ANO1: variants seen among roughly 807,000 people sequenced by gnomAD.
ANO1 encodes anoctamin-1.
Under a neutral mutation model 124.0 loss-of-function variants are expected in ANO1, and 59 were observed. That is an observed-to-expected ratio of 0.48 (90% CI 0.39 to 0.59). The LOEUF is 0.59. Ranked by LOEUF, ANO1 falls within the 20% of genes least tolerant of loss-of-function variation. The probability of loss-of-function intolerance (pLI) is 0.00; values close to 1 mark genes in which losing one functional copy is unlikely to be tolerated. For synonymous variants in ANO1, 529 were observed against 532.0 expected, an observed-to-expected ratio of 0.99 and a Z score of 0.08; for missense variants, 1,059 against 1,328.0, an observed-to-expected ratio of 0.80 and a Z score of 3.15.
intron 1 of ANO1, among the ~76,000 whole-genome samples, chr11:70,006,663 CTTTTTTTTTTTTTTTT>C (rs56851839): frequency 1.1e-5 from 1 of 88,996 alleles, no homozygotes; most frequent in East Asian, 3.9e-4. Context: ...TTTCTTCTTT[CTTTTTTTTTTTTTTTT>C]TTTTTTTTGA....
intron 1 of ANO1, among the ~76,000 whole-genome samples, chr11:70,086,823 T>C (rs958025091): frequency 3.3e-5 from 5 of 152,132 alleles, no homozygotes; most frequent in African/African-American, 1.2e-4. Flanking sequence ...TTCACCCTAC[T>C]CTGGCACCTG....
At chr11:70,108,135 T>C in intron 5 of ANO1, 1 of 486,980 alleles carries the variant, frequency 2.1e-6, no homozygotes, top group East Asian at 2.9e-5. Flanking sequence ...CAGGTGCACC[T>C]GTTTCTCCCT....
chr11:70,136,121 G>A (rs2135546825), intron 11 of ANO1, among the ~76,000 whole-genome samples: 1 of 152,378 alleles, frequency 6.6e-6, no homozygotes. Flanking sequence ...AAACCCTCAA[G>A]GGTCTGGTCC....
At chr11:70,128,374 A>G (rs2515273) in intron 10 of ANO1, among the ~76,000 whole-genome samples, 121,407 of 152,216 alleles carry the variant, frequency 0.8, 48,523 homozygotes, top group Admixed American at 0.84. Context: ...AAGCCGGAGG[A>G]AAATGGTGAG....
chr11:69,983,014 G>A (rs1481692839), upstream of ANO1, among the ~76,000 whole-genome samples: 1 of 152,176 alleles, frequency 6.6e-6, no homozygotes, highest in African/African-American at 2.4e-5. Flanking sequence ...GAGGAAAGGA[G>A]AAATGCACAG....
intron 1 of ANO1, among the ~76,000 whole-genome samples, chr11:69,994,473 G>A (rs926156462): frequency 6.6e-6 from 1 of 151,958 alleles, no homozygotes; most frequent in Non-Finnish European, 1.5e-5. Flanking sequence ...GAGATAGACA[G>A]ATAAAAGGAG....
the ANO1 span, among the ~76,000 whole-genome samples, chr11:69,975,956 G>A: frequency 0.015 from 2,290 of 152,244 alleles, 168 homozygotes; most frequent in East Asian, 0.22. Context: ...CCTGCCCTTG[G>A]CCTTGCTGTC....
chr11:69,966,865 G>A, the ANO1 span, among the ~76,000 whole-genome samples: 890 of 152,288 alleles, frequency 5.8e-3, 4 homozygotes, highest in Non-Finnish European at 0.01. Flanking sequence ...GACAGTGGGT[G>A]AGTTGATGCA....
intron 1 of ANO1, chr11:70,085,706 G>C: frequency 6.9e-7 from 1 of 1,444,934 alleles, no homozygotes; most frequent in Non-Finnish European, 9.1e-7. Flanking sequence ...CTGGCCCAGA[G>C]CCTCCTCTCT....
intron 1 of ANO1, among the ~76,000 whole-genome samples, chr11:70,026,084 ATGATGATGATGACGGTGGTGG>A (rs1555003188): frequency 7.4e-6 from 1 of 134,422 alleles, no homozygotes; most frequent in African/African-American, 2.9e-5. Flanking sequence ...GGTGATGATG[ATGATGATGATGACGGTGGTGG>A]TGGTGATGAT....
At chr11:70,052,522 TTTTCTTTTC>T (rs1857363989) in intron 1 of ANO1, among the ~76,000 whole-genome samples, 2 of 131,578 alleles carry the variant, frequency 1.5e-5, no homozygotes, top group African/African-American at 5.6e-5. Flanking sequence ...GAGAATTTCT[TTTTCTTTTC>T]TTTTTTTTTT....
intron 1 of ANO1, among the ~76,000 whole-genome samples, chr11:70,032,896 G>C (rs1291070836): frequency 6.6e-6 from 1 of 151,718 alleles, no homozygotes; most frequent in Non-Finnish European, 1.5e-5. Flanking sequence ...GGGAGAGAGA[G>C]AAGGGAGAAA....
At chr11:70,112,957 C>T (rs2186796) in intron 7 of ANO1, among the ~76,000 whole-genome samples, 20,936 of 152,138 alleles carry the variant, frequency 0.14, 1,568 homozygotes, top group South Asian at 0.28. Flanking sequence ...AGACGGTTGA[C>T]CCCAAGGGAA....
chr11:70,067,825 T>C (rs1857770236), intron 1 of ANO1, among the ~76,000 whole-genome samples: 1 of 152,160 alleles, frequency 6.6e-6, no homozygotes, highest in South Asian at 2.1e-4. Context: ...CCGTTTAGGA[T>C]TCAGCTGAGA....
intron 15 of ANO1, among the ~76,000 whole-genome samples, chr11:70,156,371 C>G (rs917662576): frequency 1.4e-4 from 21 of 152,184 alleles, no homozygotes; most frequent in Non-Finnish European, 1.5e-5. Flanking sequence ...AAAATCCACC[C>G]CCATTTGAAA....
intron 2 of ANO1, among the ~76,000 whole-genome samples, 189 bp downstream of exon 2, chr11:70,088,273 A>G (rs1032334191): frequency 6.6e-6 from 1 of 151,908 alleles, no homozygotes; most frequent in African/African-American, 2.4e-5. Context: ...GCACTTCGGG[A>G]GGCTGAGGGG....
At chr11:70,119,010 G>C (rs2135447323) in intron 8 of ANO1, among the ~76,000 whole-genome samples, 1 of 150,924 alleles carries the variant, frequency 6.6e-6, no homozygotes, top group South Asian at 2.1e-4. Flanking sequence ...AATGATAGAT[G>C]ATGGGTGGGT....
intron 2 of ANO1, among the ~76,000 whole-genome samples, chr11:70,094,015 T>C (rs111311561): frequency 2.0e-5 from 3 of 152,320 alleles, no homozygotes; most frequent in African/African-American, 4.8e-5. Context: ...GAGTTGATAG[T>C]GTGACCTTCC....
chr11:70,003,329 G>A (rs1205640341), intron 1 of ANO1, among the ~76,000 whole-genome samples: 1 of 152,184 alleles, frequency 6.6e-6, no homozygotes, highest in Non-Finnish European at 1.5e-5. Context: ...ATATTACAAT[G>A]GTTCAGCCTG....
Sources: allele counts gnomAD v4.1 joint callset (sites outside exome capture counted in the v4.1 genomes callset), GRCh38; gene constraint gnomAD v4.1.1; transcripts MANE v1.5; gene names NCBI Gene and HGNC (gene_info 2026-07-23, HGNC 2026-07-21).